Variants in GABRB1 observed in about 807,000 individuals in gnomAD.
GABRB1 encodes gamma-aminobutyric acid type A receptor subunit beta1, also known as gamma-aminobutyric acid receptor subunit beta-1.
Under a neutral mutation model 51.6 loss-of-function variants are expected in GABRB1, and 17 were observed. The observed-to-expected ratio is 0.33, with a 90% CI of 0.23 to 0.49. GABRB1 has a LOEUF of 0.49. Among genes scored for constraint, GABRB1 ranks in the 20% least tolerant of loss-of-function variants. The pLI, the probability that GABRB1 is intolerant of heterozygous loss-of-function variation, is 0.99. For synonymous variants in GABRB1, 247 were observed against 218.9 expected (o/e 1.13, Z -1.14); for missense variants, 410 against 600.6 (o/e 0.68, Z 3.32).
intron 3 of GABRB1, among the ~76,000 whole-genome samples, chr4:47,077,957 T>TTATATATA (rs1560523671): frequency 1.2e-4 from 14 of 121,624 alleles, no homozygotes; most frequent in African/African-American, 2.8e-4. Flanking sequence ...TATTATATAT[T>TTATATATA]TTATATATAT....
intron 8 of GABRB1, among the ~76,000 whole-genome samples, chr4:47,418,330 A>G (rs990852163): frequency 2.0e-5 from 3 of 152,212 alleles, no homozygotes; most frequent in Admixed American, 1.3e-4. Flanking sequence ...TGATTTTGCA[A>G]TCTTTAGCCT....
intron 1 of GABRB1, among the ~76,000 whole-genome samples, chr4:47,001,148 T>C (rs1170136735): frequency 1.3e-5 from 2 of 152,192 alleles, no homozygotes; most frequent in Non-Finnish European, 2.9e-5. Context: ...TTTATGTTTA[T>C]TTTTTATTTT....
intron 4 of GABRB1, among the ~76,000 whole-genome samples, chr4:47,300,470 C>A (rs1229468834): frequency 6.6e-6 from 1 of 151,954 alleles, no homozygotes; most frequent in Non-Finnish European, 1.5e-5. Flanking sequence ...TTATATTTTT[C>A]ATAATCTTAA....
intron 5 of GABRB1, among the ~76,000 whole-genome samples, chr4:47,358,598 T>A (rs1179233790): frequency 6.6e-6 from 1 of 152,024 alleles, no homozygotes; most frequent in Non-Finnish European, 1.5e-5. Flanking sequence ...TGTGCCCAAA[T>A]TTCCTCTTCT....
intron 4 of GABRB1, among the ~76,000 whole-genome samples, chr4:47,271,442 C>T (rs10018597): frequency 0.19 from 28,691 of 152,080 alleles, 2,824 homozygotes; most frequent in East Asian, 0.24. Context: ...ACCTCATCTG[C>T]GCATTTGGCA....
intron 5 of GABRB1, among the ~76,000 whole-genome samples, chr4:47,354,989 T>TGTTTTTTG (rs1372730294): frequency 7.7e-6 from 1 of 130,318 alleles, no homozygotes; most frequent in African/African-American, 2.9e-5. Flanking sequence ...TGTTTTTTTT[T>TGTTTTTTG]TTTTTTTTTT....
chr4:47,236,088 C>A (rs1477451926), intron 4 of GABRB1, among the ~76,000 whole-genome samples: 1 of 152,040 alleles, frequency 6.6e-6, no homozygotes, highest in African/African-American at 2.4e-5. Context: ...TGTAGTCTGA[C>A]AAGCACAGAT....
intron 4 of GABRB1, among the ~76,000 whole-genome samples, chr4:47,254,652 G>C (rs979365711): frequency 6.6e-6 from 1 of 151,882 alleles, no homozygotes; most frequent in African/African-American, 2.4e-5. Flanking sequence ...GATTACCAGG[G>C]TGAGCCACCA....
intron 4 of GABRB1, among the ~76,000 whole-genome samples, chr4:47,257,059 G>A (rs184572217): frequency 9.1e-4 from 138 of 152,268 alleles, no homozygotes; most frequent in Non-Finnish European, 1.7e-3. Context: ...AAGCTGAGCT[G>A]TGTGGAAGGC....
In GABRB1 at chr4:47,032,487, G is replaced by A. The variant is rs377221976; in HGVS notation, c.240+3G>A. The A allele has an allele frequency of 1.6e-5, 26 of 1,613,656 alleles. No individual in the cohort carries two copies. Among genetic ancestry groups the A allele is most frequent in the African/African-American group, 4.0e-5 (3 of 74,924 alleles). ...ACATGGTCTCCGAAGTGAATATGGT[G>A]AGTGGCCTCCCGAGGGGCCCGGCGG... On this transcript the variant is annotated splice_donor_region_variant and intron_variant, in intron 3 of 8. Coordinates refer to ENST00000295454, the MANE Select transcript of GABRB1 (RefSeq NM_000812.4).
chr4:47,236,106 T>C (rs538174498), intron 4 of GABRB1, among the ~76,000 whole-genome samples: 1 of 152,272 alleles, frequency 6.6e-6, no homozygotes, highest in South Asian at 2.1e-4. Context: ...GATGACAGTA[T>C]ATCTTTTAGC....
At position 47,123,798 on chromosome 4, in the gene GABRB1, T is replaced by G. The variant is rs1409013100; in HGVS notation, c.241-37451T>G. On this transcript the variant is annotated intron_variant, in intron 3 of 8. Transcript: ENST00000295454. ...TCATATATTATTATATATAATATAT[T>G]ATATATCATATATTATATATTATAT... is the stretch of plus-strand genomic sequence containing the variant. 2.9e-4 allele frequency among the ~76,000 whole-genome samples: 26 copies of G among 90,264 alleles called. No homozygotes were observed. In the Admixed American group the frequency reaches 3.2e-3, roughly 11 times the overall value. The allele number at this position is 90,264 out of a possible 152,430, so 59.2% of individuals were successfully genotyped here. A position where few individuals can be genotyped will look rare whatever the true frequency, so the allele number is the denominator to read the frequency against.
intron 1 of GABRB1, among the ~76,000 whole-genome samples, chr4:47,021,063 A>G (rs1469716137): frequency 6.6e-6 from 1 of 152,148 alleles, no homozygotes; most frequent in Non-Finnish European, 1.5e-5. Flanking sequence ...TCACCTTTTT[A>G]TACAGGTCTT....
At chr4:47,418,700 G>C (rs769534821) in intron 8 of GABRB1, among the ~76,000 whole-genome samples, 3 of 152,128 alleles carry the variant, frequency 2.0e-5, no homozygotes, top group Non-Finnish European at 4.4e-5. Flanking sequence ...TTGGCTTCGG[G>C]GAAACGGTTG....
At chr4:47,123,579 A>G (rs1715919797) in intron 3 of GABRB1, among the ~76,000 whole-genome samples, 4 of 6,118 alleles carry the variant, frequency 6.5e-4, no homozygotes, top group Non-Finnish European at 1.2e-3. Context: ...ACATTATTTC[A>G]TATATTATAA....
chr4:47,145,588 C>G (rs535957997), intron 3 of GABRB1, among the ~76,000 whole-genome samples: 1 of 152,098 alleles, frequency 6.6e-6, no homozygotes, highest in East Asian at 1.9e-4. Context: ...TATCTTTTAT[C>G]TTGTGGAAGA....
chr4:47,161,477 GC>G lies in GABRB1; in HGVS notation c.461+9del, dbSNP rs780748599. The G allele has an allele frequency of 1.2e-4, 200 of 1,600,646 alleles. No individual in the cohort carries two copies. The highest frequency in any genetic ancestry group is 1.8e-4 in the Admixed American group (11 of 59,662). On this transcript the variant is annotated intron_variant, in intron 4 of 8. Coordinates refer to ENST00000295454, the MANE Select transcript of GABRB1 (RefSeq NM_000812.4). ...AGTTCTCTATGGACTCCGGTAAATG[GC>G]TTTATGTTGCATGTTTTAATGTTGT...
intron 3 of GABRB1, among the ~76,000 whole-genome samples, chr4:47,136,612 G>T (rs913829396): frequency 1.3e-5 from 2 of 151,906 alleles, no homozygotes; most frequent in African/African-American, 2.4e-5. Flanking sequence ...TGAAACTATA[G>T]GTTTACAAAC....
intron 3 of GABRB1, among the ~76,000 whole-genome samples, chr4:47,094,185 A>G (rs1319449632): frequency 1.3e-5 from 2 of 151,864 alleles, no homozygotes; most frequent in Non-Finnish European, 2.9e-5. Flanking sequence ...GTTTTGAAAG[A>G]AAGTAAGGAT....
Sources: allele counts gnomAD v4.1 joint callset (sites outside exome capture counted in the v4.1 genomes callset), GRCh38; gene constraint gnomAD v4.1.1; transcripts MANE v1.5; gene names NCBI Gene and HGNC (gene_info 2026-07-23, HGNC 2026-07-21).